SLC1A2: variants seen among roughly 807,000 people sequenced by gnomAD.
The protein encoded by SLC1A2 is excitatory amino acid transporter 2.
A neutral mutation model predicts 48.8 loss-of-function variants in SLC1A2; 15 were observed. That is an observed-to-expected ratio of 0.31 (90% CI 0.21 to 0.47). SLC1A2 has a LOEUF of 0.47. Ranked by LOEUF, SLC1A2 falls within the 20% of genes least tolerant of loss-of-function variation. SLC1A2 has a pLI of 0.99. For missense variants in SLC1A2, 502 were observed against 730.5 expected (o/e 0.69, Z 3.61); for synonymous variants, 279 against 272.6 (o/e 1.02, Z -0.23).
chr11:35,379,186 G>A, intron 1 of SLC1A2, among the ~76,000 whole-genome samples: 1 of 152,148 alleles, frequency 6.6e-6, no homozygotes, highest in Non-Finnish European at 1.5e-5. Flanking sequence ...ACGAGATCAT[G>A]CCATTGCACT....
intron 6 of SLC1A2, among the ~76,000 whole-genome samples, chr11:35,293,162 C>A (rs1851065681): frequency 6.6e-6 from 1 of 152,152 alleles, no homozygotes; most frequent in South Asian, 2.1e-4. Flanking sequence ...ACACCCATTC[C>A]CTCACTTAAT....
At chr11:35,370,534 T>C (rs1397949123) in intron 1 of SLC1A2, among the ~76,000 whole-genome samples, 1 of 152,124 alleles carries the variant, frequency 6.6e-6, no homozygotes, top group Non-Finnish European at 1.5e-5. Context: ...ACTGGGGTCT[T>C]AGCAAATACT....
chr11:35,393,363 C>A (rs1199134127), intron 1 of SLC1A2, among the ~76,000 whole-genome samples: 1 of 152,144 alleles, frequency 6.6e-6, no homozygotes, highest in Non-Finnish European at 1.5e-5. Flanking sequence ...TGAGCTGGTC[C>A]CAGGAGACTC....
chr11:35,376,871 T>C (rs1184954548), intron 1 of SLC1A2, among the ~76,000 whole-genome samples: 1 of 152,194 alleles, frequency 6.6e-6, no homozygotes, highest in Non-Finnish European at 1.5e-5. Context: ...ATTCGACAAA[T>C]TTCCTCAACC....
chr11:35,290,343 G>C (rs1237254556), intron 7 of SLC1A2, among the ~76,000 whole-genome samples: 1 of 152,094 alleles, frequency 6.6e-6, no homozygotes, highest in Non-Finnish European at 1.5e-5. Context: ...TTGCATTGTA[G>C]TACATACAGT....
chr11:35,303,357 C>T (rs1591448105), intron 5 of SLC1A2, among the ~76,000 whole-genome samples: 4 of 152,274 alleles, frequency 2.6e-5, no homozygotes, highest in South Asian at 2.1e-4. Context: ...TTAGTATCTC[C>T]TCTTTTTGCT....
At chr11:35,322,210 G>A (rs1404779336) in intron 1 of SLC1A2, among the ~76,000 whole-genome samples, 4 of 152,078 alleles carry the variant, frequency 2.6e-5, no homozygotes, top group South Asian at 2.1e-4. Flanking sequence ...GCAAATCCAC[G>A]TGAGTCCTGG....
intron 1 of SLC1A2, chr11:35,360,138 C>T (rs1853624366): frequency 1.0e-6 from 1 of 970,754 alleles, no homozygotes; most frequent in South Asian, 4.8e-5. Flanking sequence ...AGAGGAAAAG[C>T]TGTCGGGGGC....
chr11:35,396,658 C>T (rs1437393168), intron 1 of SLC1A2, among the ~76,000 whole-genome samples: 13 of 152,070 alleles, frequency 8.5e-5, no homozygotes, highest in Admixed American at 2.0e-4. Context: ...GTTTCTTTTG[C>T]TGTGCAGAAG....
At chr11:35,334,512 GAAAACA>G (rs982899670) in intron 1 of SLC1A2, among the ~76,000 whole-genome samples, 2 of 152,210 alleles carry the variant, frequency 1.3e-5, no homozygotes, top group Non-Finnish European at 2.9e-5. Context: ...GGACAGGTGT[GAAAACA>G]AAAGCAAGTG....
intron 1 of SLC1A2, among the ~76,000 whole-genome samples, chr11:35,386,552 A>G (rs1350147566): frequency 1.3e-5 from 2 of 152,224 alleles, no homozygotes. Flanking sequence ...AAAGAACATC[A>G]ATTTTTATTT....
At chr11:35,308,561 G>C (rs776896206) in intron 4 of SLC1A2, among the ~76,000 whole-genome samples, 5 of 152,154 alleles carry the variant, frequency 3.3e-5, no homozygotes, top group Non-Finnish European at 7.3e-5. Context: ...GAGCCTTCTT[G>C]CTGCATCATT....
intron 1 of SLC1A2, among the ~76,000 whole-genome samples, chr11:35,331,632 C>T (rs377474174): frequency 3.9e-5 from 6 of 152,248 alleles, no homozygotes; most frequent in African/African-American, 1.4e-4. Flanking sequence ...ATGGCACAGT[C>T]CACAAGTGCA....
chr11:35,378,141 A>G (rs1457942801), intron 1 of SLC1A2, among the ~76,000 whole-genome samples: 1 of 152,236 alleles, frequency 6.6e-6, no homozygotes, highest in Non-Finnish European at 1.5e-5. Context: ...TCCCATCCCA[A>G]AAGCCCTTCC....
rs953581544 is a variant in SLC1A2, at chr11:35,265,716, A to G, written c.1464T>C (p.Phe488=). The change falls in exon 10 of 11, where the codon TTT becomes TTC. Residue 488 remains phenylalanine, a synonymous_variant. Coordinates refer to ENST00000278379, the MANE Select transcript of SLC1A2 (RefSeq NM_004171.4). ...AGAGGTGATAGACTATCCCAGCCCCAAAAGAGTCACCCACAACATTGACTG... is the reference window on the plus strand; with the variant it reads ...AGAGGTGATAGACTATCCCAGCCCCGAAAGAGTCACCCACAACATTGACTG... ...RTSVNVVGDS[F]GAGIVYHLSK... 1 of 1,613,900 alleles carries G rather than the reference A, an allele frequency of 6.2e-7. No individual in the cohort carries two copies. Among genetic ancestry groups the G allele is most frequent in the Non-Finnish European group, 8.5e-7 (1 of 1,179,774 alleles).
At chr11:35,386,512 A>G (rs1356420600) in intron 1 of SLC1A2, among the ~76,000 whole-genome samples, 3 of 152,222 alleles carry the variant, frequency 2.0e-5, no homozygotes, top group Non-Finnish European at 4.4e-5. Context: ...TCAGATGGCT[A>G]TTTCAAGCAT....
chr11:35,391,307 C>T (rs759933518), intron 1 of SLC1A2: 1 of 152,106 alleles, frequency 6.6e-6, no homozygotes, highest in Non-Finnish European at 1.5e-5. Flanking sequence ...ACTTTGTGAA[C>T]CCCTAAAAGA....
At chr11:35,394,991 C>T (rs117351828) in intron 1 of SLC1A2, among the ~76,000 whole-genome samples, 1,643 of 152,242 alleles carry the variant, frequency 0.011, 17 homozygotes, top group Middle Eastern at 0.031. Flanking sequence ...CTCAAAGGAT[C>T]CCAGAGACCC....
intron 6 of SLC1A2, among the ~76,000 whole-genome samples, chr11:35,296,131 G>C (rs1358180605): frequency 6.6e-6 from 1 of 152,216 alleles, no homozygotes; most frequent in Non-Finnish European, 1.5e-5. Flanking sequence ...ATTTACCTTA[G>C]CTCCAACTAC....
Sources: allele counts gnomAD v4.1 joint callset (sites outside exome capture counted in the v4.1 genomes callset), GRCh38; gene constraint gnomAD v4.1.1; transcripts MANE v1.5; gene names NCBI Gene and HGNC (gene_info 2026-07-23, HGNC 2026-07-21).